TRAPPC9: variants seen among roughly 807,000 people sequenced by gnomAD.
The protein encoded by TRAPPC9 is trafficking protein particle complex subunit 9, also known as IKK2 binding protein.
A neutral mutation model predicts 124.0 loss-of-function variants in TRAPPC9; 83 were observed. That is an observed-to-expected ratio of 0.67 (90% CI 0.56 to 0.80). The LOEUF is 0.80. TRAPPC9 is among the 30% of genes least tolerant of loss of function. The pLI is 0.00. For missense variants in TRAPPC9, 1,302 were observed against 1,508.3 expected, an observed-to-expected ratio of 0.86 and a Z score of 2.27; for synonymous variants, 638 against 617.5, an observed-to-expected ratio of 1.03 and a Z score of -0.49.
At chr8:140,085,215 G>C (rs1247926952) in intron 17 of TRAPPC9, among the ~76,000 whole-genome samples, 2 of 151,982 alleles carry the variant, frequency 1.3e-5, no homozygotes, top group African/African-American at 4.8e-5. Context: ...GAGTGACGTG[G>C]ACTATGTGAT....
At chr8:140,436,757 G>A (rs2070828694) in intron 3 of TRAPPC9, among the ~76,000 whole-genome samples, 1 of 152,180 alleles carries the variant, frequency 6.6e-6, no homozygotes, top group Admixed American at 6.5e-5. Context: ...ACTGGGAGAT[G>A]CACAGATTCT....
At chr8:140,337,103 G>T (rs1179576211) in intron 9 of TRAPPC9, among the ~76,000 whole-genome samples, 1 of 152,134 alleles carries the variant, frequency 6.6e-6, no homozygotes, top group Non-Finnish European at 1.5e-5. Flanking sequence ...CAGGATGTGG[G>T]GTCAGGCATG....
intron 15 of TRAPPC9, among the ~76,000 whole-genome samples, chr8:140,255,382 T>A (rs78373857): frequency 1.3e-5 from 2 of 152,368 alleles, no homozygotes; most frequent in African/African-American, 4.8e-5. Context: ...ACATGTTTGA[T>A]AAATATTAGC....
At chr8:139,991,354 T>TG (rs1365295994) in intron 18 of TRAPPC9, among the ~76,000 whole-genome samples, 4 of 152,200 alleles carry the variant, frequency 2.6e-5, no homozygotes, top group African/African-American at 9.6e-5. Context: ...TGTCTGAGTG[T>TG]GGGGGCGTCT....
At chr8:140,238,855 G>T (rs1012592851) in intron 16 of TRAPPC9, among the ~76,000 whole-genome samples, 2 of 152,218 alleles carry the variant, frequency 1.3e-5, no homozygotes, top group African/African-American at 4.8e-5. Context: ...TGGAGAGAGA[G>T]GCCCCTGCAG....
intron 17 of TRAPPC9, among the ~76,000 whole-genome samples, chr8:140,032,597 A>G (rs1416024606): frequency 6.6e-6 from 1 of 152,202 alleles, no homozygotes; most frequent in Non-Finnish European, 1.5e-5. Flanking sequence ...GTGCCATTCC[A>G]TGGTACAGAT....
Position 140,421,686 on chromosome 8 carries a change from C to T in TRAPPC9, c.886+4929G>A, listed in dbSNP as rs143779803. Among the ~76,000 whole-genome samples the T allele has an allele frequency of 2.7e-3, 418 of 152,220 alleles. 3 individuals are homozygous for T. The highest frequency in any genetic ancestry group is 9.6e-3 in the African/African-American group (397 of 41,538). ...AACAACAGGAAAAAAAGGAAGACAACGACCGTATTCTGGAAAGGCTTACAA... is the reference window on the plus strand; with the variant it reads ...AACAACAGGAAAAAAAGGAAGACAATGACCGTATTCTGGAAAGGCTTACAA... On this transcript the variant is annotated intron_variant, in intron 5 of 22. Transcript: ENST00000438773.
At chr8:140,347,714 A>C (rs1209748294) in intron 9 of TRAPPC9, among the ~76,000 whole-genome samples, 1 of 152,230 alleles carries the variant, frequency 6.6e-6, no homozygotes, top group Non-Finnish European at 1.5e-5. Flanking sequence ...GTTGCAATAG[A>C]GTTGACTCCT....
At chr8:139,826,505 G>A (rs907460698) in intron 21 of TRAPPC9, among the ~76,000 whole-genome samples, 2 of 152,162 alleles carry the variant, frequency 1.3e-5, no homozygotes, top group African/African-American at 4.8e-5. Flanking sequence ...CCTGTGAGTG[G>A]CACCAAATAA....
At chr8:140,426,687 T>C in intron 4 of TRAPPC9, 46 bp from the exon 5 acceptor site, 1 of 1,577,498 alleles carries the variant, frequency 6.3e-7, no homozygotes, top group Middle Eastern at 1.7e-4. Context: ...AAAACAAAAC[T>C]ACTTTTAAAA....
intron 21 of TRAPPC9, among the ~76,000 whole-genome samples, chr8:139,769,749 A>C (rs1337560698): frequency 6.6e-6 from 1 of 152,276 alleles, no homozygotes; most frequent in Non-Finnish European, 1.5e-5. Context: ...AGAGAAAATG[A>C]GTGGAAGAAC....
chr8:140,435,586 C>A lies in TRAPPC9; in HGVS notation c.731-346G>T, dbSNP rs529753940. 7.1e-4 allele frequency among the ~76,000 whole-genome samples: 108 copies of A among 152,344 alleles called. 1 individual carries two copies. The highest frequency in any genetic ancestry group is 3.4e-3 in the Middle Eastern group (1 of 294). On this transcript the variant is annotated intron_variant, in intron 3 of 22. Transcript: ENST00000438773. ...CATTCACGTGGCCGGCATTCCTGCA[C>A]AAACTGTGTGGCAGACTGCGCCAGG...
Position 140,157,209 on chromosome 8 carries a change from CT to C in TRAPPC9, c.2556+64249del, listed in dbSNP as rs777567109. 6.9e-3 allele frequency among the ~76,000 whole-genome samples: 220 copies of C among 32,040 alleles called. 4 individuals carry two copies. Among genetic ancestry groups the C allele is most frequent in the African/African-American group, 0.019 (128 of 6,586 alleles). 21.0% of individuals were successfully genotyped at this position (32,040 alleles called of 152,430 possible). A position where few individuals can be genotyped will look rare whatever the true frequency, so the allele number is the denominator to read the frequency against. ...CTCCCTTTTCCATTCAAAAGCCTCCCTTTTCCATTCAAAAGCCTCCCTTTTC... is the reference window on the plus strand; with the variant it reads ...CTCCCTTTTCCATTCAAAAGCCTCCCTTTCCATTCAAAAGCCTCCCTTTTC... On this transcript the variant is annotated intron_variant, in intron 17 of 22. Coordinates refer to ENST00000438773, the MANE Select transcript of TRAPPC9 (RefSeq NM_001160372.4).
At chr8:139,813,704 G>A (rs567921141) in intron 21 of TRAPPC9, among the ~76,000 whole-genome samples, 1 of 152,206 alleles carries the variant, frequency 6.6e-6, no homozygotes, top group African/African-American at 2.4e-5. Context: ...AGGCTTCCTG[G>A]GGTCTAATGT....
intron 9 of TRAPPC9, among the ~76,000 whole-genome samples, chr8:140,330,505 T>C (rs1408566289): frequency 1.3e-5 from 2 of 152,180 alleles, no homozygotes; most frequent in African/African-American, 4.8e-5. Flanking sequence ...GAGTGACCAG[T>C]TGGAGGCCCT....
chr8:140,147,544 T>G lies in TRAPPC9; in HGVS notation c.2556+73915A>C, dbSNP rs927737388. Among the ~76,000 whole-genome samples, 28 of 152,318 alleles carry G rather than the reference T, an allele frequency of 1.8e-4. 1 individual carries two copies. The highest frequency in any genetic ancestry group is 1.8e-3 in the Admixed American group (27 of 15,304). On this transcript the variant is annotated intron_variant, in intron 17 of 22. Transcript: ENST00000438773. ...TTCTCATAAGTAGCCATAATATTTA[T>G]TATACATGGATAACTTCAGCGCAAG...
chr8:140,258,347 T>TCA (rs2064319897), intron 15 of TRAPPC9, among the ~76,000 whole-genome samples: 1 of 152,270 alleles, frequency 6.6e-6, no homozygotes, highest in Non-Finnish European at 1.5e-5. Flanking sequence ...TCAAAACTCC[T>TCA]CACACACACG....
At chr8:139,990,386 C>T (rs1178565306) in intron 18 of TRAPPC9, among the ~76,000 whole-genome samples, 1 of 152,138 alleles carries the variant, frequency 6.6e-6, no homozygotes, top group African/African-American at 2.4e-5. Flanking sequence ...ATGTCCGCGG[C>T]AATTTCCAGA....
intron 17 of TRAPPC9, among the ~76,000 whole-genome samples, chr8:140,163,720 A>G (rs993663396): frequency 1.1e-4 from 17 of 152,208 alleles, no homozygotes; most frequent in Non-Finnish European, 1.6e-4. Flanking sequence ...CTTTGTTTCA[A>G]TAAATTGCCT....
Sources: allele counts gnomAD v4.1 joint callset (sites outside exome capture counted in the v4.1 genomes callset), GRCh38; gene constraint gnomAD v4.1.1; transcripts MANE v1.5; gene names NCBI Gene and HGNC (gene_info 2026-07-23, HGNC 2026-07-21).